CNOT2: variants seen among roughly 807,000 people sequenced by gnomAD.
The protein encoded by CNOT2 is CC chemokine receptor 4-negative regulator of transcription 2.
In CNOT2, 7 loss-of-function variants were observed where a neutral mutation model predicts 72.1. That is an observed-to-expected ratio of 0.10 (90% CI 0.06 to 0.18). The LOEUF is 0.18. CNOT2 is among the 10% of genes least tolerant of loss of function. The probability of loss-of-function intolerance (pLI) is 1.00; values close to 1 mark genes in which losing one functional copy is unlikely to be tolerated. For missense variants in CNOT2, 345 were observed against 660.3 expected, an observed-to-expected ratio of 0.52 and a Z score of 5.23; for synonymous variants, 196 against 225.6, an observed-to-expected ratio of 0.87 and a Z score of 1.17.
At chr12:70,348,467 G>A (rs1250327009) in intron 15 of CNOT2, among the ~76,000 whole-genome samples, 1 of 152,094 alleles carries the variant, frequency 6.6e-6, no homozygotes, top group Non-Finnish European at 1.5e-5. Context: ...TGTGGATTAG[G>A]TGATGCTACA....
chr12:70,318,368 C>T, intron 3 of CNOT2, among the ~76,000 whole-genome samples: 1 of 151,656 alleles, frequency 6.6e-6, no homozygotes. Context: ...TATTACAAAT[C>T]TTTATTTTTT....
At position 70,296,822 on chromosome 12, in the gene CNOT2, C is replaced by G. The variant is rs73324106; in HGVS notation, c.49-14073C>G. 2.5e-3 allele frequency among the ~76,000 whole-genome samples: 368 copies of G among 149,676 alleles called. 1 individual carries two copies. Among genetic ancestry groups the G allele is most frequent in the African/African-American group, 8.7e-3 (356 of 40,944 alleles). On this transcript the variant is annotated intron_variant, in intron 2 of 15. Coordinates refer to ENST00000229195, the MANE Select transcript of CNOT2 (RefSeq NM_014515.7). ...AAATTAGAATTATTTATAGTAGTTG[C>G]GAAGCAGGATAAGCAGTTTAAAATC...
intron 1 of CNOT2, among the ~76,000 whole-genome samples, chr12:70,276,069 A>G (rs1868735862): frequency 6.6e-6 from 1 of 152,060 alleles, no homozygotes. Context: ...AAATATTTCC[A>G]GTTATCCCCA....
chr12:70,243,797 C>G (rs1441144008), intron 1 of CNOT2: 4 of 152,302 alleles, frequency 2.6e-5, no homozygotes, highest in East Asian at 1.9e-4. Flanking sequence ...ATCCTAGGCC[C>G]GGTCCCATCC....
chr12:70,277,988 G>A (rs6581933), intron 1 of CNOT2, 144 bp from the exon 2 acceptor site: 9,259 of 392,838 alleles, frequency 0.024, 766 homozygotes, highest in African/African-American at 0.17. Flanking sequence ...AGTCTAGCCC[G>A]CGAAAATGGT....
intron 8 of CNOT2, chr12:70,336,336 A>C (rs1202285459): frequency 6.6e-6 from 1 of 152,112 alleles, no homozygotes; most frequent in Non-Finnish European, 1.5e-5. Flanking sequence ...GAAATAAAGG[A>C]GGGGAAACAT....
chr12:70,347,894 A>G (rs1882399052), intron 15 of CNOT2: 2 of 151,884 alleles, frequency 1.3e-5, no homozygotes, highest in Non-Finnish European at 2.9e-5. Flanking sequence ...GAGCTATTGT[A>G]TATGTTACCT....
intron 2 of CNOT2, among the ~76,000 whole-genome samples, chr12:70,296,417 T>G (rs1345745123): frequency 2.0e-5 from 3 of 152,142 alleles, no homozygotes; most frequent in Admixed American, 2.0e-4. Context: ...TGAGGCCTTT[T>G]TTGCTTATTT....
chr12:70,290,551 C>T (rs1871704890), intron 2 of CNOT2, among the ~76,000 whole-genome samples: 1 of 152,098 alleles, frequency 6.6e-6, no homozygotes, highest in Non-Finnish European at 1.5e-5. Flanking sequence ...TTGTCCTGCA[C>T]GGCCTGATAT....
intron 2 of CNOT2, among the ~76,000 whole-genome samples, chr12:70,291,004 G>A (rs1445168106): frequency 6.6e-6 from 1 of 152,056 alleles, no homozygotes; most frequent in Non-Finnish European, 1.5e-5. Flanking sequence ...AGGTCATTTA[G>A]AATGAAAAAT....
chr12:70,277,131 T>A (rs1265397123), intron 1 of CNOT2, among the ~76,000 whole-genome samples: 1 of 152,064 alleles, frequency 6.6e-6, no homozygotes, highest in African/African-American at 2.4e-5. Context: ...TAGCTCTGAA[T>A]TTGAATACCA....
chr12:70,317,322 G>A (rs1565805519), intron 3 of CNOT2, among the ~76,000 whole-genome samples: 1 of 151,980 alleles, frequency 6.6e-6, no homozygotes, highest in African/African-American at 2.4e-5. Flanking sequence ...TGTTACATAG[G>A]TATACATGTG....
At chr12:70,259,678 G>A (rs1958651116) in intron 1 of CNOT2, among the ~76,000 whole-genome samples, 1 of 152,062 alleles carries the variant, frequency 6.6e-6, no homozygotes. Flanking sequence ...TGTATCAGTT[G>A]TTCACTTCTG....
At chr12:70,312,065 A>C (rs1328529307) in intron 3 of CNOT2, among the ~76,000 whole-genome samples, 1 of 151,892 alleles carries the variant, frequency 6.6e-6, no homozygotes, top group African/African-American at 2.4e-5. Context: ...TTGAAAACAA[A>C]CTATCAATGG....
chr12:70,301,252 A>G (rs1350705398), intron 2 of CNOT2, among the ~76,000 whole-genome samples: 1 of 152,096 alleles, frequency 6.6e-6, no homozygotes, highest in Non-Finnish European at 1.5e-5. Context: ...AACTTCCAAC[A>G]CTGTGTTGAA....
chr12:70,331,314 G>T (rs1160283060), intron 6 of CNOT2: 1 of 151,672 alleles, frequency 6.6e-6, no homozygotes, highest in African/African-American at 2.4e-5. Context: ...TCCAGGTTTT[G>T]CTTTTATTTA....
At chr12:70,253,641 A>G (rs1958264914) in intron 1 of CNOT2, among the ~76,000 whole-genome samples, 1 of 152,218 alleles carries the variant, frequency 6.6e-6, no homozygotes, top group African/African-American at 2.4e-5. Context: ...GAAGAGCCTC[A>G]GCTGTTTGAT....
chr12:70,262,171 A>G (rs1264439911), intron 1 of CNOT2, among the ~76,000 whole-genome samples: 1 of 151,704 alleles, frequency 6.6e-6, no homozygotes, highest in Admixed American at 6.6e-5. Flanking sequence ...TTTAAAAAGT[A>G]TTTCTCATTT....
chr12:70,311,168 G>A, intron 3 of CNOT2, 151 bp downstream of exon 3: 1 of 524,766 alleles, frequency 1.9e-6, no homozygotes. Flanking sequence ...GTATCCTTTT[G>A]GGATACAAAG....
Sources: allele counts gnomAD v4.1 joint callset (sites outside exome capture counted in the v4.1 genomes callset), GRCh38; gene constraint gnomAD v4.1.1; transcripts MANE v1.5; gene names NCBI Gene and HGNC (gene_info 2026-07-23, HGNC 2026-07-21).